DNAH2: variants seen among roughly 807,000 people sequenced by gnomAD.
The protein encoded by DNAH2 is axonemal beta dynein heavy chain 2.
DNAH2 carries 323 observed loss-of-function variants against 523.5 expected under a neutral mutation model. The ratio of observed to expected loss-of-function variants is 0.62; its 90% CI spans 0.56 to 0.68. The LOEUF is 0.68. DNAH2 is among the 30% of genes least tolerant of loss of function. DNAH2 has a pLI of 0.00. For synonymous variants in DNAH2, 2,093 were observed against 2,177.4 expected (o/e 0.96, Z 1.08); for missense variants, 4,907 against 5,701.5 (o/e 0.86, Z 4.49).
intron 7 of DNAH2, among the ~76,000 whole-genome samples, chr17:7,736,862 A>C (rs2075157375): frequency 6.6e-6 from 1 of 152,158 alleles, no homozygotes; most frequent in Non-Finnish European, 1.5e-5. Context: ...GGCACCTGTA[A>C]TCCCAGCTAC....
At position 7,768,012 on chromosome 17, in the gene DNAH2, C is replaced by A; in HGVS notation, c.3788C>A (p.Thr1263Lys). The change falls in exon 23 of 86, where the codon ACG becomes AAG. Residue 1263 changes from threonine to lysine, a missense_variant. Transcript: ENST00000572933. ...CTGCAGACGGAAACCATGGAGACCA[C>A]GGCCCACGGGCTGTTTCGTCGCCTC... is the stretch of plus-strand genomic sequence containing the variant. Reference protein sequence around the residue: ...LILQTETMETTAHGLFRRLTK... With the variant: ...LILQTETMETKAHGLFRRLTK... 6.2e-7 allele frequency: 1 copy of A among 1,614,114 alleles called. No homozygotes were observed.
Position 7,756,953 on chromosome 17 carries a change from G to T in DNAH2, c.1905-138G>T, listed in dbSNP as rs1157078066. ...CACAAAGTGCTGGGATTACAGGCGT[G>T]AGCCACCATACCAGGCCTCTGCTTC... On this transcript the variant is annotated intron_variant, in intron 12 of 85. Transcript: ENST00000572933. The T allele has an allele frequency of 3.1e-6, 4 of 1,303,670 alleles. No individual in the cohort carries two copies. In the African/African-American group the frequency reaches 5.9e-5, roughly 19 times the overall value. 80.8% of individuals were successfully genotyped at this position (1,303,670 alleles called of 1,614,324 possible). A position where few individuals can be genotyped will look rare whatever the true frequency, so the allele number is the denominator to read the frequency against.
In DNAH2 at chr17:7,764,138, A is replaced by G. The variant is rs2151204747; in HGVS notation, c.3201A>G (p.Thr1067=). The change falls in exon 20 of 86, where the codon ACA becomes ACG. Residue 1067 remains threonine, a synonymous_variant. Transcript: ENST00000572933. ...TCAGAATCAGCCGCCCTCCGCAGACACTGGAGGAACTGGGGGTCAGCTTGC... is the reference window on the plus strand; with the variant it reads ...TCAGAATCAGCCGCCCTCCGCAGACGCTGGAGGAACTGGGGGTCAGCTTGC... ...NAEKISRPPQ[T]LEELGVSLQL... is the part of the protein sequence containing the mutation. 6.2e-7 allele frequency: 1 copy of G among 1,614,170 alleles called. No homozygotes were observed. Among genetic ancestry groups the G allele is most frequent in the Non-Finnish European group, 8.5e-7 (1 of 1,180,024 alleles).
chr17:7,761,764 C>T (rs776355713), intron 18 of DNAH2, among the ~76,000 whole-genome samples: 88 of 152,242 alleles, frequency 5.8e-4, no homozygotes, highest in African/African-American at 2.0e-3. Context: ...GGATTATAGG[C>T]GTAAGCCATT....
At position 7,776,077 on chromosome 17, in the gene DNAH2, C is replaced by T. The variant is rs980114628; in HGVS notation, c.4875C>T (p.Leu1625=). ...QTMRVTLRDL[L]RNCHLALRKF... is the part of the protein sequence containing the mutation. Reference sequence around the variant, plus strand: ...TGAGGGTGACCCTGCGGGACCTTCTCCGGAACTGCCACCTGGCCCTCAGGA... The same window carrying T: ...TGAGGGTGACCCTGCGGGACCTTCTTCGGAACTGCCACCTGGCCCTCAGGA... The change falls in exon 31 of 86, where the codon CTC becomes CTT. Residue 1625 remains leucine, a synonymous_variant. Transcript: ENST00000572933. 6.2e-7 allele frequency: 1 copy of T among 1,614,002 alleles called. No homozygotes were observed.
intron 11 of DNAH2, among the ~76,000 whole-genome samples, chr17:7,741,293 T>TCTTCCTTCCTTC (rs770097953): frequency 3.2e-5 from 2 of 61,550 alleles, no homozygotes; most frequent in Non-Finnish European, 5.8e-5. Flanking sequence ...TTTCTTTCTT[T>TCTTCCTTCCTTC]CTTCCTTCCT....
At position 7,739,883 on chromosome 17, in the gene DNAH2, G is replaced by A. The variant is rs141783924; in HGVS notation, c.1321G>A (p.Val441Ile). The part of the protein sequence containing the change: ...FHKNLHTLRA[V>I]RGGILDVKNT... ...TAAAAATCTGCACACGCTGCGAGCC[G>A]TTCGCGGGGGTATCCTGGATGTCAA... Residue 441 changes from valine to isoleucine, a missense_variant, in exon 9 of 86, where the codon GTT becomes ATT. Physicochemically the swap from Val to Ile is conservative, Grantham distance 29. Around this residue, in one of 3 missense-constraint regions of DNAH2, gnomAD observed 2,806 missense variants for 3,190.8 expected, o/e 0.88. Transcript: ENST00000572933. 8 of 1,613,994 alleles carry A rather than the reference G, an allele frequency of 5.0e-6. No individual in the cohort carries two copies. Among genetic ancestry groups the A allele is most frequent in the East Asian group, 2.2e-5 (1 of 44,886 alleles).
At position 7,776,106 on chromosome 17, in the gene DNAH2, T is replaced by C; in HGVS notation, c.4904T>C (p.Phe1635Ser). The change falls in exon 31 of 86, where the codon TTC becomes TCC. Residue 1635 changes from phenylalanine (F) to serine (S), a missense_variant. Around this residue, in one of 3 missense-constraint regions of DNAH2, gnomAD observed 2,806 missense variants for 3,190.8 expected, o/e 0.88. Coordinates refer to ENST00000572933, the MANE Select transcript of DNAH2 (RefSeq NM_020877.5). ...LRNCHLALRK[F>S]LNKRDKWVKE... is the part of the protein sequence containing the mutation. Reference sequence around the variant, plus strand: ...AACTGCCACCTGGCCCTCAGGAAGTTCCTCAACAAGAGGGACAAATGGGTG... The same window carrying C: ...AACTGCCACCTGGCCCTCAGGAAGTCCCTCAACAAGAGGGACAAATGGGTG... 12 of 1,614,022 alleles carry C rather than the reference T, an allele frequency of 7.4e-6. No homozygotes were observed. The highest frequency in any genetic ancestry group is 1.7e-4 in the Middle Eastern group (1 of 6,060).
chr17:7,765,095 T>C (rs2076125566), intron 20 of DNAH2, among the ~76,000 whole-genome samples: 1 of 152,166 alleles, frequency 6.6e-6, no homozygotes, highest in African/African-American at 2.4e-5. Flanking sequence ...CACACCTTGA[T>C]TTTTTTAGCC....
At position 7,765,555 on chromosome 17, in the gene DNAH2, C is replaced by T. The variant is rs757505806; in HGVS notation, c.3501C>T (p.Phe1167=). The change falls in exon 21 of 86, where the codon TTC becomes TTT. Residue 1167 remains phenylalanine, a synonymous_variant. Transcript: ENST00000572933. ...AAGCACATACACTTCTGGAAGATTT[C>T]GAATTCAAAGGTACTCCTTGATCCA... ...KKKAHTLLED[F]EFKGHFTSNV... is the part of the protein sequence containing the mutation. The T allele has an allele frequency of 6.2e-6, 10 of 1,612,806 alleles. No individual in the cohort carries two copies. Among genetic ancestry groups the T allele is most frequent in the South Asian group, 4.4e-5 (4 of 90,858 alleles).
At chr17:7,779,771 G>C (rs1403191325) in intron 36 of DNAH2, among the ~76,000 whole-genome samples, 1 of 152,060 alleles carries the variant, frequency 6.6e-6, no homozygotes, top group Non-Finnish European at 1.5e-5. Flanking sequence ...TGTTTCCTAG[G>C]AACAACTCTG....
chr17:7,775,705 G>GA (rs34099534), intron 30 of DNAH2, among the ~76,000 whole-genome samples: 90 of 123,014 alleles, frequency 7.3e-4, no homozygotes, highest in African/African-American at 2.7e-3. Context: ...AAAAAAAAAA[G>GA]AAAAAAAAAA....
Position 7,798,561 on chromosome 17 carries a change from T to G in DNAH2, c.8402T>G (p.Ile2801Ser), listed in dbSNP as rs758457827. The stretch of plus-strand genomic sequence containing the variant: ...CCTCCTTCCCTCCCCCGGCCAGATA[T>G]CAAGCGTCTGTATCGCCAGGCTGGG... The part of the protein sequence containing the change: ...HYRKQEFRDD[I>S]KRLYRQAGVE... Residue 2801 changes from isoleucine (I) to serine (S), a missense_variant, in exon 55 of 86, where the codon ATC (isoleucine) becomes AGC (serine). Transcript: ENST00000572933. The surrounding 1 kb of genome is among the most constrained non-coding windows in gnomAD (Gnocchi z 5.5). 1.9e-6 allele frequency: 3 copies of G among 1,613,878 alleles called. No individual in the cohort carries two copies. The African/African-American group carries it at 4.0e-5, about 22-fold the overall frequency.
intron 20 of DNAH2, 114 bp downstream of exon 20, chr17:7,764,387 G>C: frequency 7.5e-7 from 1 of 1,342,114 alleles, no homozygotes; most frequent in South Asian, 1.4e-5. Flanking sequence ...GGAGACTCTA[G>C]ATTTGAAAGC....
intron 65 of DNAH2, 27 bp downstream of exon 65, chr17:7,817,442 T>A (rs756719941): frequency 1.2e-6 from 2 of 1,613,648 alleles, no homozygotes; most frequent in South Asian, 2.2e-5. Flanking sequence ...GCATGACAAG[T>A]AGGCTCCGAG....
Position 7,760,975 on chromosome 17 carries a change from C to G in DNAH2, c.2978+43C>G. The G allele has an allele frequency of 6.2e-7, 1 of 1,604,688 alleles. No individual in the cohort carries two copies. The highest frequency in any genetic ancestry group is 2.2e-5 in the East Asian group (1 of 44,816). On this transcript the variant is annotated intron_variant, in intron 18 of 85. Transcript: ENST00000572933. The surrounding 1 kb of genome is among the most constrained non-coding windows in gnomAD (Gnocchi z 4.0). ...ATTGAAAGTCTGTCTGTAGGAGGCA[C>G]AGCACTGCAGGAGGAGCCCAGGCCT...
At chr17:7,748,757 A>G (rs2075585735) in intron 12 of DNAH2, among the ~76,000 whole-genome samples, 1 of 151,284 alleles carries the variant, frequency 6.6e-6, no homozygotes, top group African/African-American at 2.4e-5. Context: ...CAGCCTCCCA[A>G]AGCGTTGGGA....
At chr17:7,769,551 T>C (rs541761129) in intron 24 of DNAH2, among the ~76,000 whole-genome samples, 3 of 152,336 alleles carry the variant, frequency 2.0e-5, no homozygotes, top group Non-Finnish European at 2.9e-5. Context: ...CTTTGTGCCT[T>C]GTTTAGGAAG....
chr17:7,793,526 CTTTCTTTCTT>C lies in DNAH2; in HGVS notation c.7569+332_7569+341del, dbSNP rs1164714248. Among the ~76,000 whole-genome samples, 5 of 121,136 alleles carry C rather than the reference CTTTCTTTCTT, an allele frequency of 4.1e-5. 1 individual carries two copies. Among genetic ancestry groups the C allele is most frequent in the East Asian group, 2.2e-4 (1 of 4,628 alleles). The allele number at this position is 121,136 out of a possible 152,430, so 79.5% of individuals were successfully genotyped here. On this transcript the variant is annotated intron_variant, in intron 48 of 85. Transcript: ENST00000572933. ...TTCTTTCTTTCTTTCTTCTCTTTCT[CTTTCTTTCTT>C]TTTCTTTCTTCTCTTTCTTTCTCTT...
Sources: allele counts gnomAD v4.1 joint callset (sites outside exome capture counted in the v4.1 genomes callset), GRCh38; gene constraint gnomAD v4.1.1; regional missense constraint gnomAD v4.1.1; non-coding constraint Gnocchi (gnomAD v3.1); transcripts MANE v1.5; gene names NCBI Gene and HGNC (gene_info 2026-07-23, HGNC 2026-07-21).